MLKL: variants seen among roughly 807,000 people sequenced by gnomAD.
The protein encoded by MLKL is mixed lineage kinase domain like pseudokinase.
A neutral mutation model predicts 56.5 loss-of-function variants in MLKL; 55 were observed. The observed-to-expected ratio is 0.97, with a 90% CI of 0.78 to 1.22. The LOEUF (loss-of-function observed/expected upper bound fraction) is 1.22, where lower values mean the gene tolerates loss of function less well. Among genes scored for constraint, MLKL ranks in the 50% most tolerant of loss-of-function variants. The pLI, the probability that MLKL is intolerant of heterozygous loss-of-function variation, is 0.00. For missense variants in MLKL, 694 were observed against 573.9 expected (o/e 1.21, Z -2.14); for synonymous variants, 251 against 208.3 (o/e 1.20, Z -1.76).
At chr16:74,676,358 C>A in intron 7 of MLKL, 1 of 985,500 alleles carries the variant, frequency 1.0e-6, no homozygotes, top group Non-Finnish European at 1.2e-6. Flanking sequence ...TTGTCCCATG[C>A]ACACCTGCCA....
rs1201463671 is a variant in MLKL at position 74,700,332 on chromosome 16, C to T, written c.-3+121G>A. The T allele has an allele frequency of 3.3e-5, 5 of 152,200 alleles. No homozygotes were observed. The East Asian group carries it at 7.7e-4, about 24-fold the overall frequency. The allele number at this position is 152,200 out of a possible 1,614,324, so 9.4% of individuals were successfully genotyped here. ...CAGAGCTGAGGAAATGAAACCAACT[C>T]GGTCCTGAGTTCCAGGAACTCGGAC... On this transcript the variant is annotated intron_variant, in intron 1 of 10. Transcript: ENST00000308807.
rs142081634 is a variant in MLKL, at chr16:74,686,106, C to T, written c.723-523G>A. Reference sequence around the variant, plus strand: ...ACCTGAGTAGCTGGAACTACAGGTGCGTGCCACCATGCTTGGCTAATTTTT... The same window carrying T: ...ACCTGAGTAGCTGGAACTACAGGTGTGTGCCACCATGCTTGGCTAATTTTT... On this transcript the variant is annotated intron_variant, in intron 4 of 10. Coordinates refer to ENST00000308807, the MANE Select transcript of MLKL (RefSeq NM_152649.4). 7.2e-5 allele frequency among the ~76,000 whole-genome samples: 11 copies of T among 152,156 alleles called. 1 individual carries two copies. The highest frequency in any genetic ancestry group is 1.7e-4 in the African/African-American group (7 of 41,526).
chr16:74,691,226 G>C (rs760070170), intron 4 of MLKL, 51 bp downstream of exon 4: 24 of 1,505,890 alleles, frequency 1.6e-5, no homozygotes, highest in South Asian at 1.0e-4. Flanking sequence ...TCTCCTTGGA[G>C]AGTTAGAGTA....
At chr16:74,676,613 G>A (rs1422089677) in intron 7 of MLKL, 5 of 346,694 alleles carry the variant, frequency 1.4e-5, no homozygotes, top group Non-Finnish European at 1.6e-5. Context: ...GAGCGTGAGA[G>A]TAGTAGAAAC....
intron 7 of MLKL, 62 bp downstream of exon 7, chr16:74,678,837 G>A (rs977750378): frequency 8.7e-7 from 1 of 1,154,352 alleles, no homozygotes; most frequent in Non-Finnish European, 1.3e-6. Context: ...AGACACTCGT[G>A]CCCCTCTCAT....
In MLKL at chr16:74,672,460, C is replaced by T. The variant is rs768159263; in HGVS notation, c.*44G>A. 6.3e-7 allele frequency: 1 copy of T among 1,588,430 alleles called. No homozygotes were observed. Among genetic ancestry groups the T allele is most frequent in the Non-Finnish European group, 8.6e-7 (1 of 1,157,648 alleles). ...AGAGAGATGTCCAGTTTGTGCCTCT[C>T]CCAGCTTCTTGTCCAGAGACTCCTT... On this transcript the variant is annotated 3_prime_UTR_variant, in exon 11 of 11. Coordinates refer to ENST00000308807, the MANE Select transcript of MLKL (RefSeq NM_152649.4).
intron 4 of MLKL, among the ~76,000 whole-genome samples, chr16:74,689,896 G>T (rs1446053426): frequency 6.6e-6 from 1 of 152,138 alleles, no homozygotes; most frequent in Non-Finnish European, 1.5e-5. Flanking sequence ...ATTCTAGTAG[G>T]ATTAAAACCT....
At chr16:74,692,240 GA>G in intron 3 of MLKL, 101 bp downstream of exon 3, 6 of 1,092,402 alleles carry the variant, frequency 5.5e-6, no homozygotes, top group Non-Finnish European at 8.2e-6. Flanking sequence ...ATCCAGCACA[GA>G]AAATGGACAA....
chr16:74,678,541 T>C (rs1451549079), intron 7 of MLKL: 1 of 207,070 alleles, frequency 4.8e-6, no homozygotes, highest in African/African-American at 2.3e-5. Context: ...CCCAGCACTT[T>C]GGGAGGCCCA....
At chr16:74,681,097 T>G (rs981503151) in intron 6 of MLKL, among the ~76,000 whole-genome samples, 3 of 152,184 alleles carry the variant, frequency 2.0e-5, no homozygotes, top group African/African-American at 7.2e-5. Context: ...CGATATCAGT[T>G]CATTGAAACC....
At chr16:74,675,519 C>T (rs937088892) in intron 8 of MLKL, 94 bp downstream of exon 8, 10 of 1,570,746 alleles carry the variant, frequency 6.4e-6, no homozygotes, top group Non-Finnish European at 8.6e-6. Context: ...TTTCATTCAA[C>T]AGAGTTGAGT....
At chr16:74,680,823 A>G (rs1259112430) in intron 6 of MLKL, among the ~76,000 whole-genome samples, 2 of 152,004 alleles carry the variant, frequency 1.3e-5, no homozygotes, top group East Asian at 3.9e-4. Context: ...GGGTATCCTT[A>G]ACTCTGCCAA....
intron 7 of MLKL, chr16:74,678,004 C>G (rs28639983): frequency 0.48 from 73,648 of 152,176 alleles, 18,293 homozygotes; most frequent in African/African-American, 0.58. Flanking sequence ...AACAGCAACT[C>G]ACATGTCACT....
chr16:74,686,098 T>C (rs1349405561), intron 4 of MLKL, among the ~76,000 whole-genome samples: 1 of 152,076 alleles, frequency 6.6e-6, no homozygotes, highest in Non-Finnish European at 1.5e-5. Context: ...TAGCTGGAAC[T>C]ACAGGTGCGT....
At chr16:74,674,012 G>C (rs1163412930) in intron 10 of MLKL, among the ~76,000 whole-genome samples, 1 of 150,874 alleles carries the variant, frequency 6.6e-6, no homozygotes, top group Non-Finnish European at 1.5e-5. Flanking sequence ...AAGGAAATAG[G>C]CAGGAAGAAA....
At chr16:74,681,702 G>A (rs561945336) in intron 6 of MLKL, among the ~76,000 whole-genome samples, 19 of 152,044 alleles carry the variant, frequency 1.2e-4, no homozygotes, top group South Asian at 4.1e-4. Flanking sequence ...GCTAAGGCAG[G>A]AGAATGGCAT....
chr16:74,673,666 A>C (rs1959380975), intron 10 of MLKL, among the ~76,000 whole-genome samples: 1 of 152,148 alleles, frequency 6.6e-6, no homozygotes, highest in Non-Finnish European at 1.5e-5. Context: ...GCATCGAGGA[A>C]ATAATCCCAA....
intron 3 of MLKL, 74 bp downstream of exon 3, chr16:74,692,268 A>T: frequency 7.6e-7 from 1 of 1,320,072 alleles, no homozygotes; most frequent in Admixed American, 1.9e-5. Context: ...GGGTAGCGGG[A>T]GGCTGGGGTC....
chr16:74,677,943 G>A (rs1959704263), intron 7 of MLKL: 1 of 152,354 alleles, frequency 6.6e-6, no homozygotes, highest in African/African-American at 2.4e-5. Context: ...GCCTCCCTAA[G>A]TGTTGGGATT....
Sources: gnomAD v4.1 joint callset for allele counts (sites outside exome capture counted in the v4.1 genomes callset) on GRCh38, gnomAD v4.1.1 for gene constraint, MANE v1.5 for transcripts, NCBI Gene and HGNC (gene_info 2026-07-23, HGNC 2026-07-21) for gene names.